The following RAB7B variants were observed in gnomAD, a reference collection of about 807,000 sequenced individuals.
The protein encoded by RAB7B is ras-related protein Rab-7b.
At chr1:205,980,818 C>A (rs1660478263) in intron 5 of RAB7B, among the ~76,000 whole-genome samples, 1 of 140,606 alleles carries the variant, frequency 7.1e-6, no homozygotes, top group Admixed American at 7.1e-5. Flanking sequence ...TTCCCCTCCC[C>A]CTCCCTCCCC....
At chr1:205,995,335 G>A (rs1361064300) in intron 1 of RAB7B, among the ~76,000 whole-genome samples, 1 of 152,084 alleles carries the variant, frequency 6.6e-6, no homozygotes. Context: ...GTTCCCACTT[G>A]TATAGAAAAA....
chr1:205,999,112 C>T (rs1047090309), intron 1 of RAB7B, among the ~76,000 whole-genome samples: 1 of 152,300 alleles, frequency 6.6e-6, no homozygotes, highest in South Asian at 2.1e-4. Flanking sequence ...ACACGCCTTG[C>T]TCCATAGTGC....
rs1012205590 is a variant in RAB7B at position 205,985,526 on chromosome 1, C to T, written c.522+14G>A. 1.2e-4 allele frequency: 48 copies of T among 398,798 alleles called. No individual in the cohort carries two copies. The highest frequency in any genetic ancestry group is 1.9e-4 in the Non-Finnish European group (44 of 226,280). The allele number at this position is 398,798 out of a possible 1,614,324, so 24.7% of individuals were successfully genotyped here. ...GGGGCGGTCTCAGCAGGTCCTGCCG[C>T]CACAGCCACTCACCCTCGACAGAGC... On this transcript the variant is annotated intron_variant, in intron 5 of 5. Transcript: ENST00000617070.
intron 1 of RAB7B, among the ~76,000 whole-genome samples, chr1:205,997,839 C>T (rs987086703): frequency 1.3e-5 from 2 of 152,156 alleles, no homozygotes; most frequent in Admixed American, 6.5e-5. Flanking sequence ...AACACAATGC[C>T]TTAGAAAGAG....
chr1:205,989,943 T>G (rs1321606304), intron 4 of RAB7B, among the ~76,000 whole-genome samples: 1 of 152,164 alleles, frequency 6.6e-6, no homozygotes, highest in African/African-American at 2.4e-5. Flanking sequence ...TCCTCATGTT[T>G]CTTAAGCCTC....
Position 205,978,699 on chromosome 1 carries a change from G to A in RAB7B, c.*152C>T, listed in dbSNP as rs1353526667. 2.5e-6 allele frequency: 1 copy of A among 393,548 alleles called. No homozygotes were observed. The allele number at this position is 393,548 out of a possible 1,614,324, so 24.4% of individuals were successfully genotyped here. ...CCCTCTGACTCTGGGCCCAGCACCA[G>A]GGTCAAGGGCTCTGCCGCAGAGCTT... On this transcript the variant is annotated 3_prime_UTR_variant, in exon 6 of 6. Transcript: ENST00000617070.
At chr1:205,987,327 A>G (rs1376880817) in intron 4 of RAB7B, among the ~76,000 whole-genome samples, 1 of 152,186 alleles carries the variant, frequency 6.6e-6, no homozygotes, top group East Asian at 1.9e-4. Context: ...ATAGTTGGGG[A>G]CATGGGAAGT....
chr1:205,994,746 C>T (rs1235691849), intron 1 of RAB7B, among the ~76,000 whole-genome samples: 4 of 152,142 alleles, frequency 2.6e-5, no homozygotes, highest in African/African-American at 9.7e-5. Flanking sequence ...AGGAATTTGT[C>T]CTAAAGAAAT....
In RAB7B at chr1:205,993,103, A is replaced by AT. The variant is rs1265486614; in HGVS notation, c.180+316dup. ...CCTTCCTTCTAGATCAGGCATCAGC[A>AT]TTTTTTTTTCTATAAATAACAGATA... is the stretch of plus-strand genomic sequence containing the variant. On this transcript the variant is annotated intron_variant, in intron 3 of 5. Coordinates refer to ENST00000617070, the MANE Select transcript of RAB7B (RefSeq NM_001164522.3). Among the ~76,000 whole-genome samples, 987 of 151,528 alleles carry AT rather than the reference A, an allele frequency of 6.5e-3. 9 individuals carry two copies. Among genetic ancestry groups the AT allele is most frequent in the African/African-American group, 0.022 (892 of 41,264 alleles).
At chr1:205,983,158 C>A (rs926177543) in intron 5 of RAB7B, among the ~76,000 whole-genome samples, 5 of 152,148 alleles carry the variant, frequency 3.3e-5, no homozygotes, top group African/African-American at 1.2e-4. Flanking sequence ...CTAACTATGT[C>A]CCCGTGCTCT....
In RAB7B at chr1:205,977,318, G is replaced by C. The variant is rs1277712994; in HGVS notation, c.*1533C>G. On this transcript the variant is annotated 3_prime_UTR_variant, in exon 6 of 6. Coordinates refer to ENST00000617070, the MANE Select transcript of RAB7B (RefSeq NM_001164522.3). ...TCTGCAGGGAGGGAGACTCCTTGCA[G>C]TGAGCTTTCTTGCATTTCATTCTAG... The C allele has an allele frequency of 2.0e-5, 3 of 152,336 alleles. No homozygotes were observed. Among genetic ancestry groups the C allele is most frequent in the Admixed American group, 6.5e-5 (1 of 15,306 alleles). The allele number at this position is 152,336 out of a possible 1,614,324, so 9.4% of individuals were successfully genotyped here. A position where few individuals can be genotyped will look rare whatever the true frequency, so the allele number is the denominator to read the frequency against.
Position 205,993,473 on chromosome 1 carries a change from C to A in RAB7B, c.127G>T (p.Ala43Ser), listed in dbSNP as rs1660759201. 3 of 398,486 alleles carry A rather than the reference C, an allele frequency of 7.5e-6. No individual in the cohort carries two copies. Among genetic ancestry groups the A allele is most frequent in the Non-Finnish European group, 1.3e-5 (3 of 226,072 alleles). The allele number at this position is 398,486 out of a possible 1,614,324, so 24.7% of individuals were successfully genotyped here. The part of the protein sequence containing the change: ...FYEEYQTTLG[A>S]SILSKIIILG... Reference sequence around the variant, plus strand: ...ATGATAATCTTGGAGAGGATGCTGGCCCCCAGTGTGGTCTGGTATTCCTCA... The same window carrying A: ...ATGATAATCTTGGAGAGGATGCTGGACCCCAGTGTGGTCTGGTATTCCTCA... Residue 43 changes from alanine to serine, a missense_variant, in exon 3 of 6, where the codon GCC (alanine) becomes TCC (serine). Transcript: ENST00000617070.
chr1:205,979,781 G>T (rs1660454170), intron 5 of RAB7B, among the ~76,000 whole-genome samples: 1 of 152,166 alleles, frequency 6.6e-6, no homozygotes, highest in Non-Finnish European at 1.5e-5. Context: ...TGCTACATTG[G>T]CATGGACCTG....
At chr1:205,980,390 A>G (rs1660468150) in intron 5 of RAB7B, among the ~76,000 whole-genome samples, 1 of 152,238 alleles carries the variant, frequency 6.6e-6, no homozygotes, top group Non-Finnish European at 1.5e-5. Flanking sequence ...TCACTTGACA[A>G]TGGCAGCATC....
Position 205,977,983 on chromosome 1 carries a change from T to C in RAB7B, c.*868A>G, listed in dbSNP as rs2102629042. ...CGTCTCTCCCTCACCAGATGTCGGC[T>C]CCAGGAGGGCAGAGTCCCTGTGTTT... is the stretch of plus-strand genomic sequence containing the variant. On this transcript the variant is annotated 3_prime_UTR_variant, in exon 6 of 6. Transcript: ENST00000617070. 6.6e-6 allele frequency: 1 copy of C among 152,358 alleles called. No homozygotes were observed. Among genetic ancestry groups the C allele is most frequent in the East Asian group, 1.9e-4 (1 of 5,190 alleles). The allele number at this position is 152,358 out of a possible 1,614,324, so 9.4% of individuals were successfully genotyped here.
At chr1:205,998,407 G>A (rs1660841215) in intron 1 of RAB7B, among the ~76,000 whole-genome samples, 1 of 152,154 alleles carries the variant, frequency 6.6e-6, no homozygotes, top group Non-Finnish European at 1.5e-5. Context: ...CCTGTGTCAT[G>A]CCTCCTAATC....
chr1:205,991,748 C>T (rs1163531375), intron 4 of RAB7B, among the ~76,000 whole-genome samples: 3 of 152,192 alleles, frequency 2.0e-5, no homozygotes, highest in African/African-American at 2.4e-5. Context: ...TTGGTTTAAA[C>T]AGCTCTTTTT....
chr1:205,988,236 T>C (rs1290130724), intron 4 of RAB7B, among the ~76,000 whole-genome samples: 1 of 28,560 alleles, frequency 3.5e-5, no homozygotes, highest in South Asian at 3.4e-3. Context: ...GTGGGTTTTT[T>C]TTTTTTTTTT....
At chr1:205,999,462 T>C (rs1660857022) in intron 1 of RAB7B, among the ~76,000 whole-genome samples, 2 of 152,184 alleles carry the variant, frequency 1.3e-5, no homozygotes, top group Admixed American at 1.3e-4. Flanking sequence ...TTTAAAAAGA[T>C]TGACAACAAT....
Sources: allele counts gnomAD v4.1 joint callset (sites outside exome capture counted in the v4.1 genomes callset), GRCh38; gene constraint gnomAD v4.1.1; transcripts MANE v1.5; gene names NCBI Gene and HGNC (gene_info 2026-07-23, HGNC 2026-07-21).